FAM3C: variants seen among roughly 807,000 people sequenced by gnomAD.
FAM3C encodes protein FAM3C.
In FAM3C, 15 loss-of-function variants were observed where a neutral mutation model predicts 32.5. The ratio of observed to expected loss-of-function variants is 0.46; its 90% CI spans 0.31 to 0.71. The LOEUF (loss-of-function observed/expected upper bound fraction) is 0.71. FAM3C is among the 30% of genes least tolerant of loss of function. The pLI, the probability that FAM3C is intolerant of heterozygous loss-of-function variation, is 0.05. For missense variants in FAM3C, 175 were observed against 274.4 expected (o/e 0.64, Z 2.56); for synonymous variants, 75 against 86.1 (o/e 0.87, Z 0.72).
chr7:121,377,348 G>C (rs1794259192), intron 3 of FAM3C, among the ~76,000 whole-genome samples: 1 of 152,042 alleles, frequency 6.6e-6, no homozygotes, highest in East Asian at 1.9e-4. Context: ...ACCTAATATG[G>C]AAACTGAATT....
intron 3 of FAM3C, among the ~76,000 whole-genome samples, chr7:121,378,530 C>T (rs1794285390): frequency 6.6e-6 from 1 of 152,108 alleles, no homozygotes; most frequent in Non-Finnish European, 1.5e-5. Context: ...ATTACCGTGA[C>T]TCCTAATCAT....
intron 8 of FAM3C, among the ~76,000 whole-genome samples, chr7:121,353,123 A>G (rs1267346525): frequency 6.6e-6 from 1 of 152,212 alleles, no homozygotes; most frequent in Admixed American, 6.5e-5. Context: ...ATGAATGTGA[A>G]GTTCACAAAT....
intron 3 of FAM3C, 79 bp downstream of exon 3, chr7:121,378,827 CTGAG>C (rs1794293424): frequency 1.6e-6 from 1 of 625,170 alleles, no homozygotes; most frequent in Non-Finnish European, 2.8e-6. Flanking sequence ...TTTTCTAGCA[CTGAG>C]TGACTCAGTG....
Position 121,376,816 on chromosome 7 carries a change from T to A in FAM3C, c.118+2094A>T, listed in dbSNP as rs146251820. On this transcript the variant is annotated intron_variant, in intron 3 of 9. Transcript: ENST00000359943. ...GCCTTGATACCCAGTATGCAGTCCA[T>A]GGACAGGGATCTCAGCCTCACCTTG... is the stretch of plus-strand genomic sequence containing the variant. Among the ~76,000 whole-genome samples, 124 of 152,292 alleles carry A rather than the reference T, an allele frequency of 8.1e-4. 2 individuals are homozygous for A. The highest frequency in any genetic ancestry group is 2.9e-3 in the African/African-American group (120 of 41,564).
intron 3 of FAM3C, among the ~76,000 whole-genome samples, chr7:121,372,980 A>C (rs1226702657): frequency 6.6e-6 from 1 of 152,212 alleles, no homozygotes; most frequent in Non-Finnish European, 1.5e-5. Context: ...AAAGAGGAAA[A>C]TGACCAAGTA....
At chr7:121,365,311 T>C (rs954718403) in intron 5 of FAM3C, among the ~76,000 whole-genome samples, 2 of 152,182 alleles carry the variant, frequency 1.3e-5, no homozygotes, top group Non-Finnish European at 2.9e-5. Context: ...TGGAGATTCA[T>C]GTTCAAATTC....
intron 3 of FAM3C, among the ~76,000 whole-genome samples, chr7:121,373,968 C>A (rs1365592545): frequency 6.7e-6 from 1 of 149,632 alleles, no homozygotes; most frequent in East Asian, 1.9e-4. Context: ...TGCTCTCCAG[C>A]CTGGGCGACA....
At chr7:121,366,913 A>C (rs1794034618) in intron 5 of FAM3C, among the ~76,000 whole-genome samples, 2 of 152,206 alleles carry the variant, frequency 1.3e-5, no homozygotes, top group South Asian at 4.1e-4. Flanking sequence ...TGCCAGAGTG[A>C]CTTTTCCAAG....
rs1056863991 is a variant in FAM3C, at chr7:121,368,001, GA to G, written c.272+3298del. Among the ~76,000 whole-genome samples, 23 of 146,524 alleles carry G rather than the reference GA, an allele frequency of 1.6e-4. No individual in the cohort carries two copies. The East Asian group carries it at 2.2e-3, about 14-fold the overall frequency. On this transcript the variant is annotated intron_variant, in intron 5 of 9. Coordinates refer to ENST00000359943, the MANE Select transcript of FAM3C (RefSeq NM_014888.3). ...AGAAAAGAAAAAAGAAAAAGTAAAG[GA>G]AAAAAAAAAGCTGCAATTACTGTTT...
At chr7:121,373,745 G>A (rs974924453) in intron 3 of FAM3C, among the ~76,000 whole-genome samples, 9 of 152,094 alleles carry the variant, frequency 5.9e-5, no homozygotes, top group African/African-American at 1.7e-4. Flanking sequence ...ATTTATGGCC[G>A]GGTGCAGTGG....
At chr7:121,370,119 A>T (rs758554020) in intron 5 of FAM3C, among the ~76,000 whole-genome samples, 10 of 152,076 alleles carry the variant, frequency 6.6e-5, no homozygotes, top group Non-Finnish European at 1.5e-4. Flanking sequence ...ATGTTTTCAA[A>T]AACCTACAAA....
Position 121,364,198 on chromosome 7 carries a change from G to A in FAM3C, c.273-10C>T, listed in dbSNP as rs1432970411. The A allele has an allele frequency of 3.2e-6, 5 of 1,546,014 alleles. No individual in the cohort carries two copies. In the South Asian group the frequency reaches 3.4e-5, roughly 10 times the overall value. Reference sequence around the variant, plus strand: ...AACACCACTCATTAAACTGAAGGGGGAGAAATTGAAATAAATTTAGAATTA... The same window carrying A: ...AACACCACTCATTAAACTGAAGGGGAAGAAATTGAAATAAATTTAGAATTA... On this transcript the variant is annotated splice_polypyrimidine_tract_variant and intron_variant, in intron 5 of 9. Coordinates refer to ENST00000359943, the MANE Select transcript of FAM3C (RefSeq NM_014888.3).
chr7:121,381,614 A>T (rs1194180397), intron 2 of FAM3C, among the ~76,000 whole-genome samples: 1 of 151,928 alleles, frequency 6.6e-6, no homozygotes, highest in Non-Finnish European at 1.5e-5. Flanking sequence ...ATCTGGAGAC[A>T]TGACATCATA....
Position 121,348,975 on chromosome 7 carries a change from A to T in FAM3C, c.*1486T>A, listed in dbSNP as rs1239664648. The T allele has an allele frequency of 6.6e-6, 1 of 152,378 alleles. No homozygotes were observed. The highest frequency in any genetic ancestry group is 6.6e-5 in the Admixed American group (1 of 15,242). The allele number at this position is 152,378 out of a possible 1,614,324, so 9.4% of individuals were successfully genotyped here. A position where few individuals can be genotyped will look rare whatever the true frequency, so the allele number is the denominator to read the frequency against. On this transcript the variant is annotated 3_prime_UTR_variant, in exon 10 of 10. Coordinates refer to ENST00000359943, the MANE Select transcript of FAM3C (RefSeq NM_014888.3). ...TTACAGAATTGAGGGAAGTATTTTAAATGTCAAAATACACATGCTGAATGT... is the reference window on the plus strand; with the variant it reads ...TTACAGAATTGAGGGAAGTATTTTATATGTCAAAATACACATGCTGAATGT...
chr7:121,384,874 A>G (rs1440578719), intron 1 of FAM3C, among the ~76,000 whole-genome samples: 2 of 152,222 alleles, frequency 1.3e-5, no homozygotes, highest in Non-Finnish European at 2.9e-5. Context: ...TATTGAATAT[A>G]TTTGAGAGCA....
chr7:121,381,769 TG>T (rs149331513), intron 2 of FAM3C, among the ~76,000 whole-genome samples: 239 of 152,256 alleles, frequency 1.6e-3, no homozygotes, highest in Non-Finnish European at 2.9e-3. Context: ...ATATTTTTCT[TG>T]AACAATTGTA....
rs565793784 is a variant in FAM3C, at chr7:121,373,751, A to G, written c.119-1612T>C. On this transcript the variant is annotated intron_variant, in intron 3 of 9. Coordinates refer to ENST00000359943, the MANE Select transcript of FAM3C (RefSeq NM_014888.3). ...ACATTAAGTATTTATGGCCGGGTGC[A>G]GTGGCTCACGCCTGTAATCCCAGCA... Among the ~76,000 whole-genome samples, 7 of 152,246 alleles carry G rather than the reference A, an allele frequency of 4.6e-5. No homozygotes were observed. In the South Asian group the frequency reaches 1.0e-3, roughly 23 times the overall value.
At chr7:121,356,522 C>G (rs892138784) in intron 8 of FAM3C, among the ~76,000 whole-genome samples, 2 of 152,160 alleles carry the variant, frequency 1.3e-5, no homozygotes, top group African/African-American at 2.4e-5. Context: ...GGAGACCACT[C>G]TGAGAATGTA....
At chr7:121,366,684 AG>A (rs1794029744) in intron 5 of FAM3C, among the ~76,000 whole-genome samples, 1 of 152,200 alleles carries the variant, frequency 6.6e-6, no homozygotes, top group Admixed American at 6.5e-5. Context: ...AATATAAATG[AG>A]CAAAATGGAC....
Sources: gnomAD v4.1 joint callset for allele counts (sites outside exome capture counted in the v4.1 genomes callset) on GRCh38, gnomAD v4.1.1 for gene constraint, MANE v1.5 for transcripts, NCBI Gene and HGNC (gene_info 2026-07-23, HGNC 2026-07-21) for gene names.